RBM47: variants seen among roughly 807,000 people sequenced by gnomAD.
The protein encoded by RBM47 is RNA-binding protein 47.
Under a neutral mutation model 47.1 loss-of-function variants are expected in RBM47, and 21 were observed. That is an observed-to-expected ratio of 0.45 (90% CI 0.32 to 0.64). The LOEUF (loss-of-function observed/expected upper bound fraction) is 0.64, where lower values mean the gene tolerates loss of function less well. Ranked by LOEUF, RBM47 falls within the 30% of genes least tolerant of loss-of-function variation. RBM47 has a pLI of 0.05. For missense variants in RBM47, 708 were observed against 870.9 expected, an observed-to-expected ratio of 0.81 and a Z score of 2.35; for synonymous variants, 375 against 361.7, an observed-to-expected ratio of 1.04 and a Z score of -0.42.
intron 1 of RBM47, among the ~76,000 whole-genome samples, chr4:40,583,104 GAAC>G (rs1733116270): frequency 6.6e-6 from 1 of 152,104 alleles, no homozygotes; most frequent in Admixed American, 6.5e-5. Context: ...TGGGAATAAA[GAAC>G]AAGAAAGAGC....
chr4:40,566,069 A>G (rs1163160193), intron 1 of RBM47, among the ~76,000 whole-genome samples: 1 of 152,092 alleles, frequency 6.6e-6, no homozygotes, highest in Non-Finnish European at 1.5e-5. Flanking sequence ...CCCTGTCTCA[A>G]CAACAACAAA....
At chr4:40,596,971 A>T (rs1231235225) in intron 1 of RBM47, among the ~76,000 whole-genome samples, 1 of 152,200 alleles carries the variant, frequency 6.6e-6, no homozygotes, top group African/African-American at 2.4e-5. Flanking sequence ...TTAAAGTTTT[A>T]ATTTATCGGC....
At chr4:40,515,427 C>A (rs568398215) in intron 2 of RBM47, among the ~76,000 whole-genome samples, 1 of 152,254 alleles carries the variant, frequency 6.6e-6, no homozygotes, top group East Asian at 1.9e-4. Context: ...CAAGCCCACT[C>A]GCTAAAAAGA....
chr4:40,613,651 A>G (rs1016891182), intron 1 of RBM47, among the ~76,000 whole-genome samples: 1 of 152,116 alleles, frequency 6.6e-6, no homozygotes, highest in Non-Finnish European at 1.5e-5. Context: ...AATGCTGTTC[A>G]TGGTGTGTAA....
chr4:40,444,211 A>T (rs1484530665), intron 3 of RBM47, among the ~76,000 whole-genome samples: 1 of 152,192 alleles, frequency 6.6e-6, no homozygotes, highest in Non-Finnish European at 1.5e-5. Flanking sequence ...AAACAACAAC[A>T]ACAATAACGA....
intron 1 of RBM47, among the ~76,000 whole-genome samples, chr4:40,612,092 G>T (rs547030919): frequency 6.6e-6 from 1 of 152,320 alleles, no homozygotes; most frequent in South Asian, 2.1e-4. Context: ...GTCTGAAAGT[G>T]AGCTTTGGAG....
In RBM47 at chr4:40,469,903, G is replaced by C. The variant is rs963098053; in HGVS notation, c.-154-3204C>G. On this transcript the variant is annotated intron_variant, in intron 2 of 6. Transcript: ENST00000295971. ...GCTGGCCTCGGCCTCCCAAAGTGCT[G>C]GGGTTACAGGCGTGAGCCACCATGT... 5.9e-5 allele frequency among the ~76,000 whole-genome samples: 9 copies of C among 152,252 alleles called. No individual in the cohort carries two copies. In the South Asian group the frequency reaches 1.9e-3, roughly 32 times the overall value.
chr4:40,614,500 A>C (rs1041817672), intron 1 of RBM47, among the ~76,000 whole-genome samples: 11 of 152,132 alleles, frequency 7.2e-5, no homozygotes, highest in African/African-American at 2.4e-4. Flanking sequence ...CCTGGTCCAA[A>C]GACCTGGTTT....
chr4:40,591,127 T>C (rs1734098983), intron 1 of RBM47, among the ~76,000 whole-genome samples: 2 of 151,844 alleles, frequency 1.3e-5, no homozygotes, highest in Admixed American at 6.6e-5. Flanking sequence ...ATATGAAAAA[T>C]CTAGAATAGG....
intron 3 of RBM47, among the ~76,000 whole-genome samples, chr4:40,465,400 C>A (rs1290142833): frequency 1.3e-5 from 2 of 152,170 alleles, no homozygotes; most frequent in Non-Finnish European, 2.9e-5. Context: ...GTGCCTCATG[C>A]CTGTAATCCT....
chr4:40,488,884 G>A (rs1721486497), intron 2 of RBM47, among the ~76,000 whole-genome samples: 1 of 152,168 alleles, frequency 6.6e-6, no homozygotes, highest in South Asian at 2.1e-4. Context: ...ATCCTATGAG[G>A]TACTAATTAT....
chr4:40,551,680 G>A (rs1404833928), intron 1 of RBM47, among the ~76,000 whole-genome samples: 4 of 143,730 alleles, frequency 2.8e-5, no homozygotes, highest in Non-Finnish European at 1.5e-5. Context: ...ACAGAGTCTC[G>A]CTCTCTTGCC....
At chr4:40,583,864 A>C (rs955611588) in intron 1 of RBM47, among the ~76,000 whole-genome samples, 13 of 124,662 alleles carry the variant, frequency 1.0e-4, no homozygotes, top group East Asian at 2.1e-4. Context: ...TCTCAAAAAA[A>C]AAAAAACAAA....
intron 6 of RBM47, among the ~76,000 whole-genome samples, chr4:40,428,877 G>T (rs138545852): frequency 1.3e-5 from 2 of 152,212 alleles, no homozygotes; most frequent in African/African-American, 4.8e-5. Flanking sequence ...TCTCCTTGCT[G>T]GGCCTTAATT....
At chr4:40,430,113 T>C (rs1327646801) in intron 6 of RBM47, among the ~76,000 whole-genome samples, 3 of 152,050 alleles carry the variant, frequency 2.0e-5, no homozygotes, top group Non-Finnish European at 4.4e-5. Flanking sequence ...GAGAATCGCC[T>C]GAACCTGGGA....
Position 40,437,073 on chromosome 4 carries a change from C to CAAAAAAAAA in RBM47, c.1124-435_1124-427dup, listed in dbSNP as rs750922605. ...TGGGGAGCATGGTGAGACCCTGTCT[C>CAAAAAAAAA]AAAAAAAAAAAAAAAAAATATATAT... On this transcript the variant is annotated intron_variant, in intron 4 of 6. Coordinates refer to ENST00000295971, the MANE Select transcript of RBM47 (RefSeq NM_001098634.2). Among the ~76,000 whole-genome samples, 47 of 21,290 alleles carry CAAAAAAAAA rather than the reference C, an allele frequency of 2.2e-3. 10 individuals carry two copies. The highest frequency in any genetic ancestry group is 7.2e-3 in the African/African-American group (32 of 4,464). 14.0% of individuals were successfully genotyped at this position (21,290 alleles called of 152,430 possible).
intron 2 of RBM47, among the ~76,000 whole-genome samples, chr4:40,540,645 AAAAAAAAAT>A (rs1404069853): frequency 1.6e-5 from 2 of 121,530 alleles, no homozygotes; most frequent in African/African-American, 4.1e-5. Context: ...TCTCAAAAAA[AAAAAAAAAT>A]AATAATAATA....
In RBM47 at chr4:40,428,935, T is replaced by G. The variant is rs957287103; in HGVS notation, c.1543-2792A>C. 5.3e-5 allele frequency among the ~76,000 whole-genome samples: 8 copies of G among 152,276 alleles called. No individual in the cohort carries two copies. In the East Asian group the frequency reaches 1.5e-3, roughly 29 times the overall value. Reference sequence around the variant, plus strand: ...ATATGGGGAAGCACTTGGTTTTGCTTTCCATGGTTTCAGTTACCCGCGGTC... The same window carrying G: ...ATATGGGGAAGCACTTGGTTTTGCTGTCCATGGTTTCAGTTACCCGCGGTC... On this transcript the variant is annotated intron_variant, in intron 6 of 6. Transcript: ENST00000295971.
intron 1 of RBM47, among the ~76,000 whole-genome samples, chr4:40,564,894 T>C (rs1336106498): frequency 6.6e-6 from 1 of 151,934 alleles, no homozygotes; most frequent in Non-Finnish European, 1.5e-5. Context: ...GGATCCTCAG[T>C]GGGAGGAAGG....
Sources: gnomAD v4.1 joint callset for allele counts (sites outside exome capture counted in the v4.1 genomes callset) on GRCh38, gnomAD v4.1.1 for gene constraint, MANE v1.5 for transcripts, NCBI Gene and HGNC (gene_info 2026-07-23, HGNC 2026-07-21) for gene names.